Variants in ANKS1B observed in about 807,000 individuals in gnomAD.
ANKS1B encodes the protein ankyrin repeat and sterile alpha motif domain-containing protein 1B.
A neutral mutation model predicts 148.3 loss-of-function variants in ANKS1B; 36 were observed. The observed-to-expected ratio is 0.24, with a 90% confidence interval of 0.19 to 0.32. The LOEUF (loss-of-function observed/expected upper bound fraction) is 0.32, where lower values mean the gene tolerates loss of function less well. ANKS1B is among the 10% of genes least tolerant of loss of function. The pLI, the probability that ANKS1B is intolerant of heterozygous loss-of-function variation, is 1.00. For missense variants in ANKS1B, 1,157 were observed against 1,542.6 expected (o/e 0.75, Z 4.19); for synonymous variants, 542 against 560.8 (o/e 0.97, Z 0.47).
At chr12:99,725,161 A>G (rs1276137306) in intron 8 of ANKS1B, among the ~76,000 whole-genome samples, 2 of 152,216 alleles carry the variant, frequency 1.3e-5, no homozygotes, top group African/African-American at 2.4e-5. Flanking sequence ...TAACAATATT[A>G]ACCTTAAATG....
intron 12 of ANKS1B, among the ~76,000 whole-genome samples, chr12:99,371,136 T>A (rs1382327961): frequency 6.6e-6 from 1 of 152,154 alleles, no homozygotes; most frequent in East Asian, 1.9e-4. Context: ...CCCTGCTTTT[T>A]TTGTGTGTGT....
intron 17 of ANKS1B, among the ~76,000 whole-genome samples, chr12:98,861,785 G>T (rs1185270861): frequency 6.6e-6 from 1 of 152,152 alleles, no homozygotes; most frequent in Non-Finnish European, 1.5e-5. Context: ...ACAGAGATGT[G>T]CTCAAGGTCA....
At position 98,883,936 on chromosome 12, in the gene ANKS1B, A is replaced by G. The variant is rs142384648; in HGVS notation, c.2779-51800T>C. On this transcript the variant is annotated intron_variant, in intron 17 of 26. Coordinates refer to ENST00000683438, the MANE Select transcript of ANKS1B (RefSeq NM_001352186.2). ...TCTTTTCACTAAGCACATTACCTCA[A>G]AATAAAGCACTGTTTTAAGATGCAC... is the stretch of plus-strand genomic sequence containing the variant. 4.7e-3 allele frequency among the ~76,000 whole-genome samples: 721 copies of G among 152,302 alleles called. 8 individuals carry two copies. Among genetic ancestry groups the G allele is most frequent in the African/African-American group, 0.016 (676 of 41,568 alleles).
intron 17 of ANKS1B, among the ~76,000 whole-genome samples, chr12:98,907,547 A>T (rs1333746947): frequency 6.6e-6 from 1 of 151,604 alleles, no homozygotes; most frequent in Non-Finnish European, 1.5e-5. Flanking sequence ...GTCCTTGACC[A>T]CTCTCTTCCC....
At chr12:99,135,299 C>T (rs1230899493) in intron 15 of ANKS1B, among the ~76,000 whole-genome samples, 9 of 152,042 alleles carry the variant, frequency 5.9e-5, no homozygotes, top group Non-Finnish European at 1.5e-5. Flanking sequence ...AAATCCAACA[C>T]CTGCCTAGGA....
intron 15 of ANKS1B, among the ~76,000 whole-genome samples, chr12:99,096,620 T>G (rs540619461): frequency 6.6e-6 from 1 of 152,308 alleles, no homozygotes; most frequent in East Asian, 1.9e-4. Context: ...GGGTTGTATA[T>G]GAAGGGAAAA....
At chr12:99,878,648 T>C (rs749778063) in intron 1 of ANKS1B, among the ~76,000 whole-genome samples, 1 of 152,196 alleles carries the variant, frequency 6.6e-6, no homozygotes, top group Non-Finnish European at 1.5e-5. Context: ...TCCCATCTCA[T>C]TATCTTTCAC....
At chr12:99,772,866 C>T in intron 8 of ANKS1B, 56 bp downstream of exon 8, 3 of 1,525,306 alleles carry the variant, frequency 2.0e-6, no homozygotes, top group African/African-American at 1.4e-5. Flanking sequence ...CTTAAGTGTA[C>T]ACACTGAACT....
chr12:98,955,377 G>C (rs1047166555), intron 17 of ANKS1B, among the ~76,000 whole-genome samples: 1 of 152,106 alleles, frequency 6.6e-6, no homozygotes, highest in African/African-American at 2.4e-5. Flanking sequence ...GAGTAAGAAC[G>C]GTCTTTTGGG....
chr12:99,968,243 C>T (rs2095512315), intron 1 of ANKS1B, among the ~76,000 whole-genome samples: 1 of 152,016 alleles, frequency 6.6e-6, no homozygotes, highest in African/African-American at 2.4e-5. Flanking sequence ...GATTTATTGG[C>T]CTGAAAGAGA....
At chr12:98,922,610 T>C (rs1351867948) in intron 17 of ANKS1B, among the ~76,000 whole-genome samples, 1 of 152,166 alleles carries the variant, frequency 6.6e-6, no homozygotes, top group Non-Finnish European at 1.5e-5. Context: ...GCGATTCTCC[T>C]GCCTCAGCCT....
At position 99,945,353 on chromosome 12, in the gene ANKS1B, G is replaced by GA. The variant is rs11289819; in HGVS notation, c.134+38750dup. ...CAAGCTTGGCGTGTTTGTAAAACCA[G>GA]AAAAAAAAAAAAAAAGCCAATGTGG... On this transcript the variant is annotated intron_variant, in intron 1 of 26. Coordinates refer to ENST00000683438, the MANE Select transcript of ANKS1B (RefSeq NM_001352186.2). Among the ~76,000 whole-genome samples, 226 of 130,692 alleles carry GA rather than the reference G, an allele frequency of 1.7e-3. 1 individual carries two copies. The highest frequency in any genetic ancestry group is 7.6e-3 in the East Asian group (21 of 2,754). The allele number at this position is 130,692 out of a possible 152,430, so 85.7% of individuals were successfully genotyped here.
intron 4 of ANKS1B, among the ~76,000 whole-genome samples, chr12:99,798,737 T>G (rs10860525): frequency 6.6e-6 from 1 of 151,796 alleles, no homozygotes; most frequent in East Asian, 1.9e-4. Flanking sequence ...CAGAATACCA[T>G]TGTTGCTATT....
At chr12:99,440,376 A>T (rs948581440) in intron 11 of ANKS1B, among the ~76,000 whole-genome samples, 6 of 151,866 alleles carry the variant, frequency 4.0e-5, no homozygotes. Context: ...AAAAGAAGAT[A>T]ACTAGAATGT....
At chr12:99,577,354 C>T (rs2097528964) in intron 9 of ANKS1B, among the ~76,000 whole-genome samples, 2 of 150,504 alleles carry the variant, frequency 1.3e-5, no homozygotes, top group Admixed American at 1.3e-4. Context: ...AACCCCGATG[C>T]TAGCAGAAGA....
intron 9 of ANKS1B, among the ~76,000 whole-genome samples, chr12:99,573,905 A>G (rs538865858): frequency 6.6e-6 from 1 of 151,984 alleles, no homozygotes; most frequent in African/African-American, 2.4e-5. Flanking sequence ...CTCAAAAAAA[A>G]AATTTTTTTT....
At chr12:99,273,942 T>C (rs764558551) in intron 12 of ANKS1B, among the ~76,000 whole-genome samples, 2 of 152,054 alleles carry the variant, frequency 1.3e-5, no homozygotes, top group Non-Finnish European at 2.9e-5. Flanking sequence ...ATGCATGGCC[T>C]GAGACAATTC....
At chr12:99,469,463 T>A (rs2096200193) in intron 10 of ANKS1B, among the ~76,000 whole-genome samples, 1 of 151,726 alleles carries the variant, frequency 6.6e-6, no homozygotes, top group Non-Finnish European at 1.5e-5. Context: ...TAAAAAAAAA[T>A]TCAAATGTTT....
chr12:99,185,560 G>A (rs916249440), intron 14 of ANKS1B, among the ~76,000 whole-genome samples: 61 of 152,150 alleles, frequency 4.0e-4, no homozygotes, highest in African/African-American at 1.4e-3. Context: ...TGTCTCATTG[G>A]GACGGTTAGA....
Sources: gnomAD v4.1 joint callset for allele counts (sites outside exome capture counted in the v4.1 genomes callset) on GRCh38, gnomAD v4.1.1 for gene constraint, MANE v1.5 for transcripts, NCBI Gene and HGNC (gene_info 2026-07-23, HGNC 2026-07-21) for gene names.